DNAH14: variants seen among roughly 807,000 people sequenced by gnomAD.
The protein encoded by DNAH14 is dynein axonemal heavy chain 14, also known as axonemal beta dynein heavy chain 14.
A neutral mutation model predicts 520.9 loss-of-function variants in DNAH14; 478 were observed. The observed-to-expected ratio is 0.92, with a 90% CI of 0.85 to 0.99. The LOEUF (loss-of-function observed/expected upper bound fraction) is 0.99. DNAH14 is among the 50% of genes least tolerant of loss of function. The pLI, the probability that DNAH14 is intolerant of heterozygous loss-of-function variation, is 0.00. For synonymous variants in DNAH14, 1,581 were observed against 1,757.2 expected (o/e 0.90, Z 2.51); for missense variants, 4,831 against 5,234.5 (o/e 0.92, Z 2.38).
chr1:225,244,957 A>G (rs1345963619), intron 43 of DNAH14, among the ~76,000 whole-genome samples: 3 of 152,048 alleles, frequency 2.0e-5, no homozygotes, highest in Non-Finnish European at 4.4e-5. Flanking sequence ...TCGATTTTAG[A>G]TCTTTCCCGC....
At chr1:225,290,629 ATATG>A (rs2093848160) in intron 55 of DNAH14, among the ~76,000 whole-genome samples, 2 of 73,450 alleles carry the variant, frequency 2.7e-5, no homozygotes, top group East Asian at 7.5e-4. Context: ...GTGTATAGAT[ATATG>A]TGTGTGTGTG....
intron 43 of DNAH14, among the ~76,000 whole-genome samples, chr1:225,241,477 G>A (rs1287251764): frequency 6.6e-6 from 1 of 152,142 alleles, no homozygotes; most frequent in African/African-American, 2.4e-5. Context: ...CTTGTTTGAG[G>A]TTACAGTCAT....
chr1:225,079,655 AG>A (rs2072861924), intron 18 of DNAH14, 107 bp downstream of exon 18: 4 of 621,054 alleles, frequency 6.4e-6, no homozygotes, highest in Non-Finnish European at 1.0e-5. Flanking sequence ...TTGGCTAAAT[AG>A]TTTAATACAA....
intron 35 of DNAH14, among the ~76,000 whole-genome samples, chr1:225,166,395 C>T (rs979743432): frequency 2.0e-5 from 3 of 152,092 alleles, no homozygotes; most frequent in Non-Finnish European, 2.9e-5. Context: ...CAGCTGTCAA[C>T]TGTTTAATAA....
At chr1:225,200,953 C>T (rs1373607715) in intron 38 of DNAH14, among the ~76,000 whole-genome samples, 1 of 151,984 alleles carries the variant, frequency 6.6e-6, no homozygotes, top group Non-Finnish European at 1.5e-5. Flanking sequence ...AATATGTTAT[C>T]CAAACTTTTA....
At chr1:224,991,291 G>T (rs1394557497) in intron 8 of DNAH14, among the ~76,000 whole-genome samples, 1 of 146,336 alleles carries the variant, frequency 6.8e-6, no homozygotes, top group Non-Finnish European at 1.5e-5. Flanking sequence ...ATTTTTAGTA[G>T]AGATGGGCTT....
At chr1:224,956,612 A>G (rs1021446548) in intron 3 of DNAH14, among the ~76,000 whole-genome samples, 1 of 152,144 alleles carries the variant, frequency 6.6e-6, no homozygotes, top group Non-Finnish European at 1.5e-5. Context: ...ATTTTTCAGA[A>G]TGTATCCCTG....
chr1:225,043,240 G>A, intron 13 of DNAH14, 126 bp downstream of exon 13: 1 of 560,506 alleles, frequency 1.8e-6, no homozygotes, highest in East Asian at 4.1e-5. Context: ...GACCAGCCTG[G>A]GCAACACAGT....
intron 41 of DNAH14, among the ~76,000 whole-genome samples, chr1:225,216,083 C>T (rs1167773102): frequency 6.6e-6 from 1 of 152,196 alleles, no homozygotes; most frequent in Non-Finnish European, 1.5e-5. Flanking sequence ...TCTTGTAAGG[C>T]AGGCCTGACG....
In DNAH14 at chr1:225,380,165, G is replaced by A. The variant is rs757093631; in HGVS notation, c.12723G>A (p.Glu4241=). ...CTCTTGGTTTTTTTTGCAGACCTGA[G>A]CAGAGTAAGGATGAACTGGTGATGG... is the stretch of plus-strand genomic sequence containing the variant. The part of the protein sequence containing the change: ...TTTANLMIRP[E]QSKDELVMEI... Residue 4241 remains glutamate, a synonymous_variant, in exon 80 of 86, where the codon GAG becomes GAA. Coordinates refer to ENST00000682510, the MANE Select transcript of DNAH14 (RefSeq NM_001367479.1). 6.4e-7 allele frequency: 1 copy of A among 1,550,546 alleles called. No individual in the cohort carries two copies. The highest frequency in any genetic ancestry group is 8.7e-7 in the Non-Finnish European group (1 of 1,146,554).
In DNAH14 at chr1:225,159,358, T is replaced by C. The variant is rs1230091072; in HGVS notation, c.5318T>C (p.Val1773Ala). The C allele has an allele frequency of 1.3e-6, 2 of 1,551,640 alleles. No individual in the cohort carries two copies. Among genetic ancestry groups the C allele is most frequent in the Non-Finnish European group, 1.7e-6 (2 of 1,146,900 alleles). Residue 1773 changes from valine (V) to alanine (A), a missense_variant, in exon 35 of 86, where the codon GTT becomes GCT. Coordinates refer to ENST00000682510, the MANE Select transcript of DNAH14 (RefSeq NM_001367479.1). ...TCTGAAGCAGATGAAACCTTGATTG[T>C]TATCGAGGCTATAAGAGAAGCTAGT... ...SLSEADETLI[V>A]IEAIREASLP...
At chr1:225,315,445 T>C (rs1344770331) in intron 60 of DNAH14, among the ~76,000 whole-genome samples, 1 of 152,070 alleles carries the variant, frequency 6.6e-6, no homozygotes, top group Non-Finnish European at 1.5e-5. Context: ...TTTTGTCAAC[T>C]CATCAAACTC....
chr1:225,304,498 C>T (rs1331028181), intron 57 of DNAH14, among the ~76,000 whole-genome samples: 5 of 152,106 alleles, frequency 3.3e-5, no homozygotes, highest in South Asian at 2.1e-4. Context: ...TTTGAGGCTA[C>T]GTGAGCTACT....
At chr1:225,298,912 CTT>C (rs1266140112) in intron 55 of DNAH14, among the ~76,000 whole-genome samples, 1 of 152,338 alleles carries the variant, frequency 6.6e-6, no homozygotes, top group East Asian at 1.9e-4. Flanking sequence ...AGAAGTCCCT[CTT>C]GACTCCCAGC....
intron 77 of DNAH14, 59 bp downstream of exon 77, chr1:225,368,091 G>A: frequency 7.2e-7 from 1 of 1,382,428 alleles, no homozygotes; most frequent in Admixed American, 2.3e-5. Flanking sequence ...CAAATTGAGA[G>A]CCTACTATGT....
chr1:225,130,727 G>T (rs944538498), intron 27 of DNAH14, among the ~76,000 whole-genome samples: 65 of 147,290 alleles, frequency 4.4e-4, no homozygotes, highest in African/African-American at 1.6e-3. Context: ...GCTAAATGAC[G>T]AGTTAATGGG....
At position 225,152,831 on chromosome 1, in the gene DNAH14, C is replaced by G; in HGVS notation, c.5144C>G (p.Ser1715Cys). The change falls in exon 33 of 86, where the codon TCT becomes TGT. Residue 1715 changes from serine (S) to cysteine (C), a missense_variant. Ser to Cys is a moderately radical substitution (Grantham distance 112). Coordinates refer to ENST00000682510, the MANE Select transcript of DNAH14 (RefSeq NM_001367479.1). The part of the protein sequence containing the change: ...SFGFKSANSL[S>C]GKLTNLYELA... ...GGTTTCAAATCTGCAAATTCACTCT[C>G]TGGAAAGCTAACTAACCTTTATGAA... is the stretch of plus-strand genomic sequence containing the variant. 6.4e-7 allele frequency: 1 copy of G among 1,551,308 alleles called. No homozygotes were observed.
At chr1:225,102,060 G>C (rs2075526742) in intron 23 of DNAH14, among the ~76,000 whole-genome samples, 1 of 107,416 alleles carries the variant, frequency 9.3e-6, no homozygotes, top group South Asian at 3.0e-4. Flanking sequence ...CCCCACAACA[G>C]GCCCGGTGTA....
intron 77 of DNAH14, among the ~76,000 whole-genome samples, chr1:225,374,165 A>AG (rs2095659103): frequency 1.3e-5 from 1 of 74,602 alleles, no homozygotes; most frequent in African/African-American, 4.4e-5. Context: ...ATATATATAT[A>AG]TATATATATA....
Sources: allele counts gnomAD v4.1 joint callset (sites outside exome capture counted in the v4.1 genomes callset), GRCh38; gene constraint gnomAD v4.1.1; transcripts MANE v1.5; gene names NCBI Gene and HGNC (gene_info 2026-07-23, HGNC 2026-07-21).